The following ELFN2 variants were observed in gnomAD, a reference collection of about 807,000 sequenced individuals.
ELFN2 encodes the protein protein phosphatase 1 regulatory subunit 29.
Under a neutral mutation model 45.5 loss-of-function variants are expected in ELFN2, and 17 were observed. The observed-to-expected ratio is 0.37, with a 90% confidence interval of 0.26 to 0.56. The LOEUF is 0.56. Ranked by LOEUF, ELFN2 falls within the 20% of genes least tolerant of loss-of-function variation. The probability of loss-of-function intolerance (pLI) is 0.77; values close to 1 mark genes in which losing one functional copy is unlikely to be tolerated. For synonymous variants in ELFN2, 550 were observed against 551.5 expected (o/e 1.00, Z 0.04); for missense variants, 922 against 1,183.2 (o/e 0.78, Z 3.24).
rs1931569670 is a variant in ELFN2, at chr22:37,375,867, C to CCTG, written c.-334_-333insCAG. 3 of 406,992 alleles carry CCTG rather than the reference C, an allele frequency of 7.4e-6. No individual in the cohort carries two copies. Among genetic ancestry groups the CCTG allele is most frequent in the Non-Finnish European group, 1.4e-5 (3 of 218,574 alleles). The allele number at this position is 406,992 out of a possible 1,614,324, so 25.2% of individuals were successfully genotyped here. The stretch of plus-strand genomic sequence containing the variant: ...TCCTCCTCCTCCTCCTCCTCCTCCT[C>CCTG]CTCGTCTTCCTCCTTGGCTTCCGGG... On this transcript the variant is annotated 5_prime_UTR_variant, in exon 3 of 3. Coordinates refer to ENST00000402918, the MANE Select transcript of ELFN2 (RefSeq NM_052906.5).
At chr22:37,393,362 C>T (rs986445227) in intron 2 of ELFN2, among the ~76,000 whole-genome samples, 3 of 152,242 alleles carry the variant, frequency 2.0e-5, no homozygotes, top group African/African-American at 7.2e-5. Context: ...TGGGCCTGGG[C>T]TTTGCAGTCA....
intron 2 of ELFN2, among the ~76,000 whole-genome samples, chr22:37,381,231 G>C (rs1931753581): frequency 6.6e-6 from 1 of 152,152 alleles, no homozygotes; most frequent in Non-Finnish European, 1.5e-5. Context: ...AGAAGACAGA[G>C]GCTCTCTCCT....
rs544870914 is a variant in ELFN2 at position 37,345,705 on chromosome 22, G to C, written n.149-3002C>G. Among the ~76,000 whole-genome samples, 4 of 151,998 alleles carry C rather than the reference G, an allele frequency of 2.6e-5. No individual in the cohort carries two copies. The South Asian group carries it at 8.3e-4, about 32-fold the overall frequency. On this transcript the variant is annotated intron_variant and non_coding_transcript_variant, in intron 1 of 2. Coordinates refer to ENST00000452946, the Ensembl canonical transcript of ELFN2. Reference sequence around the variant, plus strand: ...TGGGACTAGAGGTGCGTGCCACCACGCCCAGCTAATTTTTGTATTTTTAGT... The same window carrying C: ...TGGGACTAGAGGTGCGTGCCACCACCCCCAGCTAATTTTTGTATTTTTAGT...
chr22:37,416,466 CAA>C, intron 2 of ELFN2, among the ~76,000 whole-genome samples: 1 of 152,092 alleles, frequency 6.6e-6, no homozygotes, highest in Non-Finnish European at 1.5e-5. Context: ...CGGATGGGGA[CAA>C]AGTCACTTGG....
intron 2 of ELFN2, among the ~76,000 whole-genome samples, chr22:37,387,864 G>A (rs774653139): frequency 3.3e-5 from 5 of 151,312 alleles, no homozygotes; most frequent in South Asian, 4.2e-4. Flanking sequence ...CCAAACCACC[G>A]TACCCAGCTG....
chr22:37,413,581 A>AAAAT (rs1181803960), intron 2 of ELFN2, among the ~76,000 whole-genome samples: 1 of 151,930 alleles, frequency 6.6e-6, no homozygotes, highest in African/African-American at 2.4e-5. Flanking sequence ...AAAAAAAAAA[A>AAAAT]AAAGATCCCA....
At chr22:37,423,115 G>A (rs1932822504) in intron 1 of ELFN2, among the ~76,000 whole-genome samples, 1 of 152,098 alleles carries the variant, frequency 6.6e-6, no homozygotes, top group African/African-American at 2.4e-5. Flanking sequence ...CTGATCCTGG[G>A]GCAACCTCCC....
chr22:37,401,882 G>A (rs1932372521), intron 2 of ELFN2, among the ~76,000 whole-genome samples: 1 of 152,220 alleles, frequency 6.6e-6, no homozygotes, highest in Admixed American at 6.5e-5. Flanking sequence ...AGCCTCCTTG[G>A]CGACAAGGGA....
At chr22:37,405,090 A>ATT (rs745621772) in intron 2 of ELFN2, among the ~76,000 whole-genome samples, 113 of 124,016 alleles carry the variant, frequency 9.1e-4, no homozygotes, top group Admixed American at 1.6e-3. Flanking sequence ...GAACCTCAGC[A>ATT]TTTTTTTTTT....
Position 37,374,245 on chromosome 22 carries a change from C to A in ELFN2, c.1290G>T (p.Lys430Asn). Residue 430 changes from lysine to asparagine, a missense_variant, in exon 3 of 3, where the codon AAG (lysine) becomes AAT (asparagine). Coordinates refer to ENST00000402918, the MANE Select transcript of ELFN2 (RefSeq NM_052906.5). Reference sequence around the variant, plus strand: ...GGATGGTCTTCTTGACGTTGACAGACTTCTGCTTCTCCTCCTGCATGCGCC... The same window carrying A: ...GGATGGTCTTCTTGACGTTGACAGAATTCTGCTTCTCCTCCTGCATGCGCC... ...RKRRMQEEKQ[K>N]SVNVKKTILE... 6.2e-7 allele frequency: 1 copy of A among 1,614,016 alleles called. No homozygotes were observed. The highest frequency in any genetic ancestry group is 8.5e-7 in the Non-Finnish European group (1 of 1,180,052).
intron 2 of ELFN2, among the ~76,000 whole-genome samples, chr22:37,379,902 G>A (rs1165970816): frequency 6.6e-6 from 1 of 152,172 alleles, no homozygotes; most frequent in East Asian, 1.9e-4. Flanking sequence ...GAGAAGACAA[G>A]GAGTCCTGGC....
At chr22:37,403,527 G>A (rs755885001) in intron 2 of ELFN2, among the ~76,000 whole-genome samples, 6 of 152,228 alleles carry the variant, frequency 3.9e-5, no homozygotes, top group Non-Finnish European at 8.8e-5. Flanking sequence ...CTGGATGGGC[G>A]GTTTGGGCTC....
chr22:37,387,093 C>T (rs935792525), intron 2 of ELFN2, among the ~76,000 whole-genome samples: 1 of 152,186 alleles, frequency 6.6e-6, no homozygotes, highest in African/African-American at 2.4e-5. Flanking sequence ...GACCTCATTA[C>T]CCACCGCAAC....
chr22:37,403,501 T>C (rs929677951), intron 2 of ELFN2, among the ~76,000 whole-genome samples: 3 of 152,120 alleles, frequency 2.0e-5, no homozygotes, highest in African/African-American at 7.2e-5. Context: ...TAATTCCAAC[T>C]CCATCTGTGC....
chr22:37,374,812 G>C lies in ELFN2; in HGVS notation c.723C>G (p.Leu241=), dbSNP rs535558406. ...PYHSLNAITV[L]QAKCRNGSLP... is the part of the protein sequence containing the mutation. ...GCGAGCCATTCCGACACTTGGCCTG[G>C]AGTACGGTGATGGCGTTGAGGCTGT... Residue 241 remains leucine, a synonymous_variant, in exon 3 of 3, where the codon CTC becomes CTG. Transcript: ENST00000402918. 6.2e-6 allele frequency: 10 copies of C among 1,607,438 alleles called. No individual in the cohort carries two copies. The Admixed American group carries it at 1.5e-4, about 24-fold the overall frequency.
intron 1 of ELFN2, among the ~76,000 whole-genome samples, chr22:37,355,907 C>T (rs983978823): frequency 1.3e-5 from 2 of 152,194 alleles, no homozygotes; most frequent in Admixed American, 1.3e-4. Context: ...GAGTGTTCAG[C>T]GTCTTTTGTT....
rs1930767349 is a variant in ELFN2, at chr22:37,349,226, A to G, written n.149-6523T>C. On this transcript the variant is annotated intron_variant and non_coding_transcript_variant, in intron 1 of 2. Transcript: ENST00000452946. ...GCCACTTAGCTGTCGTGCAGTCCGGAGGTGGCATAGGACTGGGTGCTTGTG... is the reference window on the plus strand; with the variant it reads ...GCCACTTAGCTGTCGTGCAGTCCGGGGGTGGCATAGGACTGGGTGCTTGTG... 2.0e-5 allele frequency among the ~76,000 whole-genome samples: 3 copies of G among 151,154 alleles called. 1 individual carries two copies. Among genetic ancestry groups the G allele is most frequent in the Admixed American group, 1.3e-4 (2 of 15,212 alleles).
At chr22:37,415,327 G>T (rs1932747763) in intron 2 of ELFN2, among the ~76,000 whole-genome samples, 1 of 152,238 alleles carries the variant, frequency 6.6e-6, no homozygotes, top group Admixed American at 6.5e-5. Flanking sequence ...GAGCAGCTCA[G>T]AGCACCCAAG....
rs919645072 is a variant in ELFN2, at chr22:37,369,354, C to G, written c.*3718G>C. On this transcript the variant is annotated 3_prime_UTR_variant, in exon 3 of 3. Coordinates refer to ENST00000402918, the MANE Select transcript of ELFN2 (RefSeq NM_052906.5). The stretch of plus-strand genomic sequence containing the variant: ...GCCTTCCCAAGCAGGTCTCTTTACT[C>G]CCACCCTCCTCGCTCCCCTGACAGC... 5 of 152,378 alleles carry G rather than the reference C, an allele frequency of 3.3e-5. No homozygotes were observed. The highest frequency in any genetic ancestry group is 9.6e-5 in the African/African-American group (4 of 41,452). The allele number at this position is 152,378 out of a possible 1,614,324, so 9.4% of individuals were successfully genotyped here. A position where few individuals can be genotyped will look rare whatever the true frequency, so the allele number is the denominator to read the frequency against.
Sources: allele counts gnomAD v4.1 joint callset (sites outside exome capture counted in the v4.1 genomes callset), GRCh38; gene constraint gnomAD v4.1.1; transcripts MANE v1.5; gene names NCBI Gene and HGNC (gene_info 2026-07-23, HGNC 2026-07-21).